Variants in SSBP2 observed in about 807,000 individuals in gnomAD.
The protein encoded by SSBP2 is single stranded DNA binding protein 2.
A neutral mutation model predicts 61.8 loss-of-function variants in SSBP2; 17 were observed. That is an observed-to-expected ratio of 0.28 (90% CI 0.19 to 0.41). The LOEUF is 0.41. SSBP2 is among the 10% of genes least tolerant of loss of function. The pLI is 1.00. For missense variants in SSBP2, 310 were observed against 458.7 expected (o/e 0.68, Z 2.96); for synonymous variants, 139 against 141.3 (o/e 0.98, Z 0.12).
At chr5:81,505,533 CTAAAT>C (rs1430234765) in intron 5 of SSBP2, among the ~76,000 whole-genome samples, 5 of 152,164 alleles carry the variant, frequency 3.3e-5, no homozygotes, top group East Asian at 3.9e-4. Context: ...AAAATAAAAA[CTAAAT>C]TAAATTGTGT....
chr5:81,666,624 T>G (rs1467798215), intron 1 of SSBP2, among the ~76,000 whole-genome samples: 1 of 150,040 alleles, frequency 6.7e-6, no homozygotes, highest in Admixed American at 6.6e-5. Context: ...CAATGTTATA[T>G]TATAAATAAT....
At chr5:81,589,582 A>C (rs1775336284) in intron 4 of SSBP2, among the ~76,000 whole-genome samples, 1 of 152,246 alleles carries the variant, frequency 6.6e-6, no homozygotes, top group South Asian at 2.1e-4. Flanking sequence ...AGATGAGTGA[A>C]GATCTTAAAA....
At chr5:81,603,192 A>G (rs932223409) in intron 4 of SSBP2, among the ~76,000 whole-genome samples, 3 of 152,156 alleles carry the variant, frequency 2.0e-5, no homozygotes, top group Non-Finnish European at 2.9e-5. Context: ...CAGACTCCAT[A>G]ATGTCTGCTC....
intron 1 of SSBP2, among the ~76,000 whole-genome samples, chr5:81,681,425 C>A (rs373056269): frequency 6.7e-6 from 1 of 150,350 alleles, no homozygotes; most frequent in Non-Finnish European, 1.5e-5. Context: ...GAGGCTGAGA[C>A]GGAAGAATCG....
At chr5:81,431,719 G>T (rs34149723) in intron 15 of SSBP2, among the ~76,000 whole-genome samples, 8,883 of 152,106 alleles carry the variant, frequency 0.058, 349 homozygotes, top group Middle Eastern at 0.15. Context: ...TGGGTAGCTA[G>T]GACTACAGAT....
At chr5:81,665,224 T>C (rs890355016) in intron 1 of SSBP2, among the ~76,000 whole-genome samples, 13 of 152,194 alleles carry the variant, frequency 8.5e-5, no homozygotes, top group African/African-American at 2.9e-4. Flanking sequence ...GTTTTTGTCA[T>C]CTCTGATTTC....
chr5:81,429,625 A>C (rs553633997), intron 15 of SSBP2, among the ~76,000 whole-genome samples: 1 of 151,946 alleles, frequency 6.6e-6, no homozygotes, highest in Non-Finnish European at 1.5e-5. Flanking sequence ...AATGGAAGAA[A>C]TAACTTACTT....
chr5:81,557,854 T>C (rs1772725911), intron 4 of SSBP2, among the ~76,000 whole-genome samples: 1 of 152,218 alleles, frequency 6.6e-6, no homozygotes, highest in African/African-American at 2.4e-5. Flanking sequence ...GATCATATTT[T>C]CCTGCTTCTG....
intron 1 of SSBP2, among the ~76,000 whole-genome samples, chr5:81,702,601 C>T (rs895520848): frequency 8.6e-5 from 13 of 152,028 alleles, no homozygotes; most frequent in African/African-American, 3.1e-4. Context: ...TGAAACTGAA[C>T]TTCTCAATTT....
chr5:81,678,818 G>A (rs1028563335), intron 1 of SSBP2, among the ~76,000 whole-genome samples: 6 of 152,076 alleles, frequency 3.9e-5, no homozygotes, highest in African/African-American at 1.4e-4. Context: ...TATATCCTGT[G>A]AAATTATCTT....
chr5:81,623,358 C>A (rs559821082), intron 3 of SSBP2, among the ~76,000 whole-genome samples: 15 of 110,792 alleles, frequency 1.4e-4, no homozygotes, highest in African/African-American at 4.7e-4. Context: ...TTTTTTGAGA[C>A]GGAGTCTCGC....
intron 5 of SSBP2, among the ~76,000 whole-genome samples, chr5:81,497,393 C>A (rs911873765): frequency 6.6e-6 from 1 of 152,106 alleles, no homozygotes; most frequent in Non-Finnish European, 1.5e-5. Flanking sequence ...CAGTAGCTGG[C>A]CCATTGACCA....
chr5:81,460,408 C>T (rs1006233534), intron 10 of SSBP2, among the ~76,000 whole-genome samples: 1 of 152,144 alleles, frequency 6.6e-6, no homozygotes, highest in Admixed American at 6.5e-5. Flanking sequence ...AGGATCACAA[C>T]ATTAAAATCA....
intron 1 of SSBP2, among the ~76,000 whole-genome samples, chr5:81,741,097 C>A (rs1756993971): frequency 6.6e-6 from 1 of 152,194 alleles, no homozygotes; most frequent in African/African-American, 2.4e-5. Context: ...TGAATCCAGA[C>A]TATACAATTT....
At chr5:81,721,562 GT>G (rs1471055905) in intron 1 of SSBP2, among the ~76,000 whole-genome samples, 1 of 152,012 alleles carries the variant, frequency 6.6e-6, no homozygotes, top group African/African-American at 2.4e-5. Context: ...TTCTTTAGCA[GT>G]TCAGTATCCA....
chr5:81,689,632 G>T (rs1181359093), intron 1 of SSBP2, among the ~76,000 whole-genome samples: 2 of 150,980 alleles, frequency 1.3e-5, no homozygotes. Flanking sequence ...ACATGAAGAA[G>T]AAATAAAAAC....
chr5:81,467,051 T>C lies in SSBP2; in HGVS notation c.571-10A>G. 2.5e-6 allele frequency: 4 copies of C among 1,607,356 alleles called. No homozygotes were observed. Among genetic ancestry groups the C allele is most frequent in the Non-Finnish European group, 3.4e-6 (4 of 1,175,766 alleles). ...TTGCACCTCCATAGTTCTGTAATGA[T>C]AACCAAGGGTCAGACTACCACAAAA... On this transcript the variant is annotated splice_polypyrimidine_tract_variant and intron_variant, in intron 8 of 16. Transcript: ENST00000320672.
chr5:81,645,255 C>T (rs988014103), intron 2 of SSBP2, among the ~76,000 whole-genome samples: 5 of 152,196 alleles, frequency 3.3e-5, no homozygotes, highest in Admixed American at 6.5e-5. Context: ...AATTAAAGTT[C>T]GAGAGACTGG....
chr5:81,552,741 GAACA>G (rs990009097), intron 4 of SSBP2, among the ~76,000 whole-genome samples: 3 of 151,344 alleles, frequency 2.0e-5, no homozygotes, highest in African/African-American at 7.3e-5. Flanking sequence ...GGAATTGGTA[GAACA>G]AAAATACAGT....
Sources: gnomAD v4.1 joint callset for allele counts (sites outside exome capture counted in the v4.1 genomes callset) on GRCh38, gnomAD v4.1.1 for gene constraint, MANE v1.5 for transcripts, NCBI Gene and HGNC (gene_info 2026-07-23, HGNC 2026-07-21) for gene names.